NRXN3: variants seen among roughly 807,000 people sequenced by gnomAD.
NRXN3 encodes neurexin III.
A neutral mutation model predicts 137.6 loss-of-function variants in NRXN3; 32 were observed. The observed-to-expected ratio is 0.23, with a 90% CI of 0.18 to 0.31. The LOEUF (loss-of-function observed/expected upper bound fraction) is 0.31, where lower values mean the gene tolerates loss of function less well. Among genes scored for constraint, NRXN3 ranks in the 10% least tolerant of loss-of-function variants. The pLI is 1.00. For synonymous variants in NRXN3, 798 were observed against 784.5 expected (o/e 1.02, Z -0.29); for missense variants, 1,574 against 2,062.5 (o/e 0.76, Z 4.59).
chr14:78,473,228 T>C (rs894764489), intron 4 of NRXN3, among the ~76,000 whole-genome samples: 21 of 151,674 alleles, frequency 1.4e-4, no homozygotes, highest in African/African-American at 5.1e-4. Context: ...TGGTGAAACC[T>C]CGTCTCTACT....
intron 19 of NRXN3, among the ~76,000 whole-genome samples, chr14:79,711,418 A>C (rs1011204003): frequency 6.6e-5 from 10 of 151,960 alleles, no homozygotes; most frequent in Non-Finnish European, 1.3e-4. Flanking sequence ...TTTTATCTAA[A>C]CAATATATTC....
intron 20 of NRXN3, among the ~76,000 whole-genome samples, chr14:79,817,709 C>G (rs1399013164): frequency 6.6e-6 from 1 of 152,110 alleles, no homozygotes. Flanking sequence ...CTATGCTATC[C>G]TGTCTCTTAC....
At chr14:79,845,658 C>T (rs1407014479) in intron 20 of NRXN3, among the ~76,000 whole-genome samples, 6 of 88,450 alleles carry the variant, frequency 6.8e-5, no homozygotes, top group South Asian at 4.1e-4. Context: ...GAGACGGAGA[C>T]GGGGAGAGAG....
At chr14:78,546,936 T>G (rs1432878667) in intron 4 of NRXN3, among the ~76,000 whole-genome samples, 1 of 152,216 alleles carries the variant, frequency 6.6e-6, no homozygotes, top group Admixed American at 6.5e-5. Flanking sequence ...ATTTGAACTC[T>G]GGGAATCTGG....
intron 6 of NRXN3, among the ~76,000 whole-genome samples, chr14:78,668,782 G>C (rs980752667): frequency 6.6e-6 from 1 of 152,186 alleles, no homozygotes; most frequent in Non-Finnish European, 1.5e-5. Context: ...AAACAAATAA[G>C]TGTGTCTGTG....
intron 16 of NRXN3, among the ~76,000 whole-genome samples, chr14:79,555,155 G>A (rs562064000): frequency 1.7e-4 from 26 of 152,242 alleles, no homozygotes; most frequent in African/African-American, 5.8e-4. Context: ...GTCTGAGCTG[G>A]GCCTTGAGCA....
chr14:78,878,917 T>G (rs2099120764), intron 10 of NRXN3, among the ~76,000 whole-genome samples: 1 of 152,150 alleles, frequency 6.6e-6, no homozygotes, highest in Non-Finnish European at 1.5e-5. Context: ...GAGTTTGTTT[T>G]TTTTTTAGAT....
At chr14:78,202,202 C>CA (rs1312427795) in intron 1 of NRXN3, among the ~76,000 whole-genome samples, 1 of 152,176 alleles carries the variant, frequency 6.6e-6, no homozygotes, top group Non-Finnish European at 1.5e-5. Context: ...AAGGCTGGGT[C>CA]ATTTGAGACA....
chr14:78,260,627 A>G (rs542695152), intron 2 of NRXN3, among the ~76,000 whole-genome samples: 50 of 152,280 alleles, frequency 3.3e-4, no homozygotes, highest in Non-Finnish European at 5.4e-4. Flanking sequence ...TGCTATTGTC[A>G]TGATAGTGAA....
intron 19 of NRXN3, among the ~76,000 whole-genome samples, chr14:79,727,804 G>A (rs1218227322): frequency 6.6e-6 from 1 of 152,098 alleles, no homozygotes; most frequent in Non-Finnish European, 1.5e-5. Flanking sequence ...AAATTGCTAC[G>A]AGAGAAATCC....
rs569540157 is a variant in NRXN3 at position 78,656,960 on chromosome 14, C to T, written c.1221+5634C>T. On this transcript the variant is annotated intron_variant, in intron 6 of 20. Transcript: ENST00000335750. ...TACTTGAGAGGCTGAGGCAGGAGAA[C>T]GGTGTGAACCCGGGAGGGGCAGCTT... is the stretch of plus-strand genomic sequence containing the variant. Among the ~76,000 whole-genome samples the T allele has an allele frequency of 6.4e-4, 88 of 137,520 alleles. 1 individual carries two copies. Among genetic ancestry groups the T allele is most frequent in the African/African-American group, 9.7e-4 (35 of 35,898 alleles). The allele number at this position is 137,520 out of a possible 152,430, so 90.2% of individuals were successfully genotyped here.
intron 8 of NRXN3, among the ~76,000 whole-genome samples, chr14:78,778,770 TTCTTTCTTTC>T (rs2098756314): frequency 1.5e-5 from 1 of 67,296 alleles, no homozygotes; most frequent in Admixed American, 1.5e-4. Context: ...CTTTCTTTCT[TTCTTTCTTTC>T]TTTCTTTCTT....
intron 15 of NRXN3, among the ~76,000 whole-genome samples, chr14:79,067,142 T>C (rs12434809): frequency 0.59 from 89,536 of 151,866 alleles, 27,115 homozygotes; most frequent in East Asian, 0.82. Flanking sequence ...TATGTTTCTT[T>C]AATAGCTAGT....
At chr14:79,758,788 T>A (rs1342324159) in intron 19 of NRXN3, among the ~76,000 whole-genome samples, 1 of 152,130 alleles carries the variant, frequency 6.6e-6, no homozygotes, top group Admixed American at 6.5e-5. Context: ...GCAAGAAACC[T>A]TAACGGGACT....
rs567598046 is a variant in NRXN3 at position 79,006,349 on chromosome 14, CAAACAAAA to C, written c.3262+18210_3262+18217del. ...GGCAAAAAACAAACAAACAAACAAA[CAAACAAAA>C]ACCCCAAAAGCATGAACTAAAGTGT... On this transcript the variant is annotated intron_variant, in intron 15 of 20. Coordinates refer to ENST00000335750, the MANE Select transcript of NRXN3 (RefSeq NM_001330195.2). Among the ~76,000 whole-genome samples, 588 of 152,052 alleles carry C rather than the reference CAAACAAAA, an allele frequency of 3.9e-3. 15 individuals are homozygous for C. The highest frequency in any genetic ancestry group is 0.03 in the East Asian group (156 of 5,166).
At chr14:78,215,959 T>C (rs1012288623) in intron 1 of NRXN3, among the ~76,000 whole-genome samples, 2 of 152,194 alleles carry the variant, frequency 1.3e-5, no homozygotes, top group African/African-American at 4.8e-5. Context: ...GATAAACTGC[T>C]CTGTGTGTAA....
intron 15 of NRXN3, among the ~76,000 whole-genome samples, chr14:79,071,760 C>T (rs547756242): frequency 1.5e-4 from 23 of 152,204 alleles, no homozygotes; most frequent in Admixed American, 1.0e-3. Context: ...GATTTGATAG[C>T]CTATCAGGGT....
At chr14:78,828,895 T>A (rs910178511) in intron 10 of NRXN3, among the ~76,000 whole-genome samples, 4 of 152,090 alleles carry the variant, frequency 2.6e-5, no homozygotes, top group African/African-American at 9.7e-5. Flanking sequence ...GTAAAGTAAA[T>A]GCCTGGATGT....
chr14:78,390,535 T>G (rs574574678), intron 4 of NRXN3, among the ~76,000 whole-genome samples: 1 of 152,304 alleles, frequency 6.6e-6, no homozygotes, highest in African/African-American at 2.4e-5. Flanking sequence ...ATCTCGCCTT[T>G]ACCTTATTAG....
Sources: allele counts gnomAD v4.1 joint callset (sites outside exome capture counted in the v4.1 genomes callset), GRCh38; gene constraint gnomAD v4.1.1; transcripts MANE v1.5; gene names NCBI Gene and HGNC (gene_info 2026-07-23, HGNC 2026-07-21).